GET1: variants seen among roughly 807,000 people sequenced by gnomAD.
GET1 encodes congenital heart disease 5 protein.
In GET1, 20 loss-of-function variants were observed where a neutral mutation model predicts 22.6. That is an observed-to-expected ratio of 0.89 (90% confidence interval 0.62 to 1.29). GET1 has a LOEUF of 1.29. GET1 is among the 50% of genes most tolerant of loss of function. The pLI, the probability that GET1 is intolerant of heterozygous loss-of-function variation, is 0.00. For synonymous variants in GET1, 92 were observed against 83.8 expected (o/e 1.10, Z -0.53); for missense variants, 209 against 219.9 (o/e 0.95, Z 0.31).
chr21:39,397,953 A>G (rs989105758), downstream of GET1: 3 of 152,144 alleles, frequency 2.0e-5, no homozygotes, highest in Non-Finnish European at 4.4e-5. Context: ...GTTTGTTGTT[A>G]TTTTAGCTGA....
At chr21:39,426,360 C>G (rs1821530082) in intron 1 of GET1, among the ~76,000 whole-genome samples, 1 of 152,152 alleles carries the variant, frequency 6.6e-6, no homozygotes. Context: ...TGCAATTTCT[C>G]TCTTGTAGAA....
chr21:39,412,030 C>T (rs1434562638), intron 1 of GET1, among the ~76,000 whole-genome samples: 1 of 152,156 alleles, frequency 6.6e-6, no homozygotes, highest in African/African-American at 2.4e-5. Flanking sequence ...TTTGAAGAGC[C>T]TTGCAGGTCA....
intron 1 of GET1, among the ~76,000 whole-genome samples, chr21:39,417,970 G>A (rs1361751313): frequency 1.3e-5 from 2 of 152,116 alleles, no homozygotes; most frequent in Non-Finnish European, 2.9e-5. Context: ...GTTTCGCCGT[G>A]TTTGCCAGGA....
At chr21:39,410,890 G>A (rs1413661232), downstream of GET1, 1 of 471,066 alleles carries the variant, frequency 2.1e-6, no homozygotes, top group Non-Finnish European at 4.4e-6. Context: ...ATTTGAGGTT[G>A]TTGCATCTGG....
chr21:39,409,604 A>C (rs2039728286), downstream of GET1, among the ~76,000 whole-genome samples: 1 of 150,412 alleles, frequency 6.6e-6, no homozygotes, highest in Admixed American at 6.6e-5. This position sits in a 1 kb window ranked among gnomAD's most constrained non-coding sequence, Gnocchi z 4.2. Context: ...TTTTTTTTTA[A>C]TTTTTTGAGA....
intron 1 of GET1, among the ~76,000 whole-genome samples, chr21:39,416,425 G>C (rs564379406): frequency 6.6e-6 from 1 of 152,258 alleles, no homozygotes; most frequent in Non-Finnish European, 1.5e-5. Flanking sequence ...GTCCTTAATA[G>C]TTTCTTTGCT....
chr21:39,380,410 G>C lies in GET1; in HGVS notation c.26G>C (p.Trp9Ser). Residue 9 changes from tryptophan (W) to serine (S), a missense_variant, in exon 1 of 5, where the codon TGG becomes TCG. Physicochemically the swap from Trp to Ser is radical, Grantham distance 177. Transcript: ENST00000649170. Reference protein sequence around the residue: MSSAAADHWAWLLVLSFVF... With the variant: MSSAAADHSAWLLVLSFVF... ...ATGAGCTCAGCCGCGGCCGACCACT[G>C]GGCGTGGTTGCTGGTGCTCAGCTTC... 4 of 1,611,492 alleles carry C rather than the reference G, an allele frequency of 2.5e-6. No individual in the cohort carries two copies. Among genetic ancestry groups the C allele is most frequent in the Non-Finnish European group, 3.4e-6 (4 of 1,178,804 alleles).
chr21:39,398,130 G>A (rs765032477), downstream of GET1, among the ~76,000 whole-genome samples: 14 of 152,172 alleles, frequency 9.2e-5, no homozygotes, highest in Non-Finnish European at 1.8e-4. Context: ...CGCAGCCACA[G>A]CCTGGTGGAG....
At chr21:39,424,269 C>T (rs994208997) in intron 1 of GET1, among the ~76,000 whole-genome samples, 1 of 152,208 alleles carries the variant, frequency 6.6e-6, no homozygotes, top group Non-Finnish European at 1.5e-5. Flanking sequence ...CCTCCTTGGC[C>T]TCCCAAAGTG....
intron 4 of GET1, among the ~76,000 whole-genome samples, chr21:39,395,818 A>G (rs761527950): frequency 6.6e-6 from 1 of 152,160 alleles, no homozygotes; most frequent in Non-Finnish European, 1.5e-5. Flanking sequence ...CCATGCATCC[A>G]GCAGGTCCAT....
chr21:39,394,813 T>G (rs1312970338), intron 4 of GET1, among the ~76,000 whole-genome samples: 2 of 152,190 alleles, frequency 1.3e-5, no homozygotes, highest in South Asian at 2.1e-4. Flanking sequence ...AGCATATGAA[T>G]TTTAGGGGGA....
chr21:39,403,482 C>T (rs904447585), intron 4 of GET1, among the ~76,000 whole-genome samples: 17 of 151,502 alleles, frequency 1.1e-4, no homozygotes, highest in Admixed American at 7.9e-4. Flanking sequence ...GCCGCCACCA[C>T]GCCCGGCTAA....
At chr21:39,421,366 G>A (rs1446496133) in intron 1 of GET1, among the ~76,000 whole-genome samples, 1 of 152,122 alleles carries the variant, frequency 6.6e-6, no homozygotes, top group Non-Finnish European at 1.5e-5. Context: ...GGTATTACGG[G>A]CGAGAGGCCA....
chr21:39,414,315 A>C (rs2040646059), intron 1 of GET1: 1 of 152,198 alleles, frequency 6.6e-6, no homozygotes, highest in Admixed American at 6.5e-5. Flanking sequence ...CCTGGGTGTA[A>C]GACGGGTGGC....
chr21:39,390,093 C>T (rs1488243011), intron 1 of GET1, among the ~76,000 whole-genome samples: 1 of 142,632 alleles, frequency 7.0e-6, no homozygotes, highest in Non-Finnish European at 1.5e-5. Flanking sequence ...AAAAAGGCAG[C>T]AGAGGCTGGC....
Position 39,397,188 on chromosome 21 carries a change from A to G in GET1, c.*249A>G. Reference sequence around the variant, plus strand: ...CTAGTGAACACCGTCCTCGATCTGTACGAAATGTGAAATGTTTAGGGACAT... The same window carrying G: ...CTAGTGAACACCGTCCTCGATCTGTGCGAAATGTGAAATGTTTAGGGACAT... On this transcript the variant is annotated 3_prime_UTR_variant, in exon 5 of 5. Coordinates refer to ENST00000649170, the MANE Select transcript of GET1 (RefSeq NM_004627.6). 1 of 481,424 alleles carries G rather than the reference A, an allele frequency of 2.1e-6. No individual in the cohort carries two copies. The allele number at this position is 481,424 out of a possible 1,614,324, so 29.8% of individuals were successfully genotyped here.
intron 1 of GET1, 41 bp downstream of exon 1, chr21:39,380,527 C>G: frequency 6.3e-7 from 1 of 1,583,562 alleles, no homozygotes; most frequent in Non-Finnish European, 8.6e-7. Flanking sequence ...GTGGGGATGC[C>G]GCCCCAGTCC....
downstream of GET1, among the ~76,000 whole-genome samples, chr21:39,399,650 G>A (rs1300740805): frequency 1.3e-5 from 2 of 151,748 alleles, no homozygotes; most frequent in Non-Finnish European, 2.9e-5. Context: ...TATGTTGGCC[G>A]GGCTGGTCTT....
intron 4 of GET1, among the ~76,000 whole-genome samples, chr21:39,396,274 C>G (rs1391968572): frequency 1.3e-5 from 2 of 152,110 alleles, no homozygotes; most frequent in Non-Finnish European, 2.9e-5. Flanking sequence ...GGTGCGGTGG[C>G]TCATGCCTGT....
Sources: gnomAD v4.1 joint callset for allele counts (sites outside exome capture counted in the v4.1 genomes callset) on GRCh38, gnomAD v4.1.1 for gene constraint, Gnocchi (gnomAD v3.1) non-coding constraint, MANE v1.5 for transcripts, NCBI Gene and HGNC (gene_info 2026-07-23, HGNC 2026-07-21) for gene names.